NOD2: variants seen among roughly 807,000 people sequenced by gnomAD.
NOD2 encodes the protein nucleotide binding oligomerization domain containing 2.
In NOD2, 86 loss-of-function variants were observed where a neutral mutation model predicts 90.9. That is an observed-to-expected ratio of 0.95 (90% CI 0.79 to 1.13). The LOEUF is 1.13. Among genes scored for constraint, NOD2 ranks in the 50% most tolerant of loss-of-function variants. NOD2 has a pLI of 0.00. For missense variants in NOD2, 1,238 were observed against 1,283.8 expected (o/e 0.96, Z 0.55); for synonymous variants, 581 against 554.6 (o/e 1.05, Z -0.67).
intron 2 of NOD2, among the ~76,000 whole-genome samples, chr16:50,701,904 C>G (rs1596833315): frequency 6.6e-6 from 1 of 152,220 alleles, no homozygotes; most frequent in Non-Finnish European, 1.5e-5. Flanking sequence ...ACCTTAGGTG[C>G]CTAGATTAGG....
chr16:50,702,161 T>G (rs2150787508), intron 2 of NOD2, among the ~76,000 whole-genome samples: 1 of 152,296 alleles, frequency 6.6e-6, no homozygotes, highest in East Asian at 1.9e-4. Context: ...CTCAAACTCC[T>G]GGGCTCAAGT....
intron 7 of NOD2, 45 bp downstream of exon 7, chr16:50,720,053 G>C: frequency 1.3e-6 from 2 of 1,561,664 alleles, no homozygotes; most frequent in Non-Finnish European, 1.8e-6. Flanking sequence ...AGGGGCTTGG[G>C]ACTTTTGAGG....
intron 1 of NOD2, chr16:50,697,858 G>A (rs866059410): frequency 1.5e-4 from 30 of 194,042 alleles, no homozygotes; most frequent in African/African-American, 7.1e-4. Context: ...TACCGTATGA[G>A]GACGGATACA....
At chr16:50,708,945 G>T (rs1692725690) in intron 3 of NOD2, among the ~76,000 whole-genome samples, 1 of 152,198 alleles carries the variant, frequency 6.6e-6, no homozygotes, top group South Asian at 2.1e-4. Flanking sequence ...GTTTGCTGTT[G>T]ACATCATCAA....
chr16:50,694,325 G>A (rs1194295832), intron 1 of NOD2, among the ~76,000 whole-genome samples: 1 of 152,124 alleles, frequency 6.6e-6, no homozygotes, highest in African/African-American at 2.4e-5. Context: ...GCCTCCTCCA[G>A]GGTCCTTGTT....
chr16:50,720,955 C>T (rs1965026408), intron 7 of NOD2, among the ~76,000 whole-genome samples: 1 of 152,190 alleles, frequency 6.6e-6, no homozygotes, highest in Non-Finnish European at 1.5e-5. Context: ...TAGGCACCCA[C>T]CACCACGCCC....
chr16:50,718,439 T>C (rs1964897201), intron 6 of NOD2, among the ~76,000 whole-genome samples: 2 of 152,352 alleles, frequency 1.3e-5, no homozygotes, highest in East Asian at 3.9e-4. Flanking sequence ...CAGAATAGCA[T>C]GCAATTTAAA....
At position 50,716,631 on chromosome 16, in the gene NOD2, T is replaced by C. The variant is rs763192145; in HGVS notation, c.2426T>C (p.Ile809Thr). The C allele has an allele frequency of 2.5e-5, 40 of 1,614,128 alleles. No homozygotes were observed. The highest frequency in any genetic ancestry group is 3.3e-4 in the Middle Eastern group (2 of 6,084). ...NISDRGICKL[I>T]ECALHCEQLQ... ...TCAGACCGAGGCATCTGCAAGCTCA[T>C]TGAATGTGCTCTTCACTGCGAGCAA... The change falls in exon 5 of 12, where the codon ATT becomes ACT. Residue 809 changes from isoleucine to threonine, a missense_variant. Physicochemically the swap from Ile to Thr is moderately conservative, Grantham distance 89. Transcript: ENST00000647318.
At chr16:50,724,023 G>A (rs1220635565) in intron 9 of NOD2, among the ~76,000 whole-genome samples, 1 of 152,180 alleles carries the variant, frequency 6.6e-6, no homozygotes, top group African/African-American at 2.4e-5. Context: ...GTGTAATGGA[G>A]TTTTGATAGT....
Position 50,729,849 on chromosome 16 carries a change from G to T in NOD2, c.2917G>T (p.Ala973Ser). The T allele has an allele frequency of 6.2e-7, 1 of 1,613,116 alleles. No homozygotes were observed. Among genetic ancestry groups the T allele is most frequent in the Non-Finnish European group, 8.5e-7 (1 of 1,179,236 alleles). The change falls in exon 11 of 12, where the codon GCA becomes TCA. Residue 973 changes from alanine (A) to serine (S), a missense_variant. By Grantham distance (99) the Ala-to-Ser change is moderately conservative (BLOSUM62 1). Transcript: ENST00000647318. ...LSNNCITYLG[A>S]EALLQALERN... ...CAATAACTGCATCACCTACCTAGGG[G>T]CAGAAGCCCTCCTGCAGGCCCTTGA...
chr16:50,726,608 G>C (rs942847626), intron 10 of NOD2, among the ~76,000 whole-genome samples: 5 of 152,176 alleles, frequency 3.3e-5, no homozygotes, highest in Admixed American at 6.5e-5. Context: ...TTATCAACCA[G>C]GTGTGGATAT....
intron 3 of NOD2, among the ~76,000 whole-genome samples, chr16:50,710,171 G>A (rs956035614): frequency 5.3e-5 from 8 of 152,204 alleles, no homozygotes; most frequent in Non-Finnish European, 1.2e-4. Context: ...TCCGATCCCA[G>A]CCCAGAGCCC....
intron 7 of NOD2, 77 bp from the exon 8 acceptor site, chr16:50,722,545 G>A: frequency 1.5e-6 from 2 of 1,369,356 alleles, no homozygotes; most frequent in Non-Finnish European, 1.0e-6. Context: ...GCAGAGGGAG[G>A]AGGACTGTTA....
At position 50,712,237 on chromosome 16, in the gene NOD2, C is replaced by A. The variant is rs1264795843; in HGVS notation, c.2245C>A (p.Pro749Thr). 6.2e-7 allele frequency: 1 copy of A among 1,613,924 alleles called. No homozygotes were observed. The highest frequency in any genetic ancestry group is 1.1e-5 in the South Asian group (1 of 91,088). ...HLKLTFCSVGPTECAALAFVL... is the reference protein window; with the variant it reads ...HLKLTFCSVGTTECAALAFVL... ...CAAGTTGACATTTTGCAGTGTGGGC[C>A]CCACTGAGTGTGCTGCCCTGGCCTT... Residue 749 changes from proline to threonine, a missense_variant, in exon 4 of 12, where the codon CCC (proline) becomes ACC (threonine). This residue lies in a region of NOD2 where 667 missense variants were observed against 688.7 expected (regional missense o/e 0.97). Transcript: ENST00000647318.
Position 50,710,482 on chromosome 16 carries a change from G to A in NOD2, c.566-76G>A, listed in dbSNP as rs756656411. The A allele has an allele frequency of 1.6e-4, 250 of 1,598,690 alleles. 1 individual carries two copies. The highest frequency in any genetic ancestry group is 1.9e-4 in the Non-Finnish European group (228 of 1,169,462). ...CCCTTCAGTTATGTCAGCGTCCCCC[G>A]CAGCAGCCCATTGTCTGGTTAGGTC... On this transcript the variant is annotated intron_variant, in intron 3 of 11. Coordinates refer to ENST00000647318, the MANE Select transcript of NOD2 (RefSeq NM_001370466.1).
At chr16:50,697,036 G>C (rs1963678906) in intron 1 of NOD2, 1 of 620,946 alleles carries the variant, frequency 1.6e-6, no homozygotes. Context: ...GATGCACAAG[G>C]CTTTGTGCCA....
Position 50,711,204 on chromosome 16 carries a change from G to A in NOD2, c.1212G>A (p.Ser404=), listed in dbSNP as rs145834617. The change falls in exon 4 of 12, where the codon TCG becomes TCA. Residue 404 remains serine (S), a synonymous_variant. Transcript: ENST00000647318. The part of the protein sequence containing the change: ...KVVTSRPAAV[S]AFLRKYIRTE... ...TGACCAGCCGTCCGGCCGCTGTGTC[G>A]GCGTTCCTCAGGAAGTACATCCGCA... is the stretch of plus-strand genomic sequence containing the variant. 2.4e-5 allele frequency: 39 copies of A among 1,613,884 alleles called. No homozygotes were observed. Among genetic ancestry groups the A allele is most frequent in the South Asian group, 1.6e-4 (15 of 91,090 alleles).
chr16:50,720,657 C>T (rs1965013691), intron 7 of NOD2, among the ~76,000 whole-genome samples: 1 of 152,214 alleles, frequency 6.6e-6, no homozygotes, highest in African/African-American at 2.4e-5. Context: ...CTCTCCTATC[C>T]TGTCATGCCC....
intron 2 of NOD2, among the ~76,000 whole-genome samples, chr16:50,700,208 A>G (rs1281175050): frequency 6.6e-6 from 1 of 152,160 alleles, no homozygotes; most frequent in South Asian, 2.1e-4. Context: ...AGCTCACTGT[A>G]GCCTTGAATT....
Sources: gnomAD v4.1 joint callset for allele counts (sites outside exome capture counted in the v4.1 genomes callset) on GRCh38, gnomAD v4.1.1 for gene constraint, gnomAD v4.1.1 regional missense constraint, MANE v1.5 for transcripts, NCBI Gene and HGNC (gene_info 2026-07-23, HGNC 2026-07-21) for gene names.